Variants in SLC24A2 observed in about 807,000 individuals in gnomAD.
SLC24A2 encodes the protein solute carrier family 24 member 2.
SLC24A2 carries 36 observed loss-of-function variants against 62.0 expected under a neutral mutation model. That is an observed-to-expected ratio of 0.58 (90% CI 0.44 to 0.77). SLC24A2 has a LOEUF of 0.77. Ranked by LOEUF, SLC24A2 falls within the 30% of genes least tolerant of loss-of-function variation. The probability of loss-of-function intolerance (pLI) is 0.00; values close to 1 mark genes in which losing one functional copy is unlikely to be tolerated. For synonymous variants in SLC24A2, 358 were observed against 294.0 expected (o/e 1.22, Z -2.23); for missense variants, 846 against 817.9 (o/e 1.03, Z -0.42).
the SLC24A2 span, among the ~76,000 whole-genome samples, chr9:20,194,388 C>CTTTGGTA: frequency 1.3e-5 from 2 of 152,128 alleles, no homozygotes; most frequent in African/African-American, 4.8e-5. Context: ...ACTCTTCATC[C>CTTTGGTA]CTTCTCCAAG....
At chr9:20,041,834 A>T in the SLC24A2 span, among the ~76,000 whole-genome samples, 1 of 152,246 alleles carries the variant, frequency 6.6e-6, no homozygotes, top group African/African-American at 2.4e-5. Flanking sequence ...TCTTGGCAGG[A>T]TGCCCACCCA....
intron 2 of SLC24A2, among the ~76,000 whole-genome samples, chr9:19,639,329 A>G (rs1818435398): frequency 6.6e-6 from 1 of 152,204 alleles, no homozygotes. Context: ...CTCTATCAGT[A>G]GGTAAAGTTT....
the SLC24A2 span, among the ~76,000 whole-genome samples, chr9:20,277,738 A>G: frequency 6.6e-6 from 1 of 152,236 alleles, no homozygotes; most frequent in Non-Finnish European, 1.5e-5. Flanking sequence ...CATTACTGGT[A>G]TATACCCGAA....
At chr9:19,819,629 G>A in the SLC24A2 span, among the ~76,000 whole-genome samples, 299 of 151,956 alleles carry the variant, frequency 2.0e-3, no homozygotes, top group African/African-American at 7.0e-3. Context: ...ACTAATGATC[G>A]GGGAACTGCA....
the SLC24A2 span, among the ~76,000 whole-genome samples, chr9:20,082,509 G>A: frequency 6.6e-6 from 1 of 152,202 alleles, no homozygotes; most frequent in Admixed American, 6.5e-5. Flanking sequence ...CTTGCCAGGA[G>A]CATGGTGGCC....
chr9:19,990,938 T>TATATATATATATATATATATAG, the SLC24A2 span, among the ~76,000 whole-genome samples: 1 of 120,198 alleles, frequency 8.3e-6, no homozygotes, highest in African/African-American at 3.0e-5. Flanking sequence ...TATATATATG[T>TATATATATATATATATATATAG]ATGTATATGT....
At chr9:20,213,320 G>T in the SLC24A2 span, among the ~76,000 whole-genome samples, 8 of 151,782 alleles carry the variant, frequency 5.3e-5, no homozygotes, top group Admixed American at 4.6e-4. Context: ...CCTATAGGAT[G>T]AAGTCAAATT....
At chr9:19,725,737 A>G (rs977227970) in intron 2 of SLC24A2, among the ~76,000 whole-genome samples, 1 of 152,168 alleles carries the variant, frequency 6.6e-6, no homozygotes, top group Non-Finnish European at 1.5e-5. Flanking sequence ...TTTGGTGAGA[A>G]TAGTTTACAT....
intron 2 of SLC24A2, among the ~76,000 whole-genome samples, chr9:19,761,631 C>G (rs545093534): frequency 4.5e-4 from 69 of 152,126 alleles, no homozygotes; most frequent in Admixed American, 2.0e-3. Context: ...GTCCCTCCCC[C>G]CTTTCCCCCA....
chr9:19,971,484 C>G, the SLC24A2 span, among the ~76,000 whole-genome samples: 1 of 152,162 alleles, frequency 6.6e-6, no homozygotes, highest in Non-Finnish European at 1.5e-5. Context: ...GCCTGTATGG[C>G]CAAGCCACTT....
At chr9:19,827,179 T>A in the SLC24A2 span, among the ~76,000 whole-genome samples, 1 of 152,128 alleles carries the variant, frequency 6.6e-6, no homozygotes, top group African/African-American at 2.4e-5. Context: ...GTCATGTGGG[T>A]CATGTGAGGA....
the SLC24A2 span, among the ~76,000 whole-genome samples, chr9:19,909,822 G>A: frequency 6.6e-6 from 1 of 152,026 alleles, no homozygotes; most frequent in East Asian, 1.9e-4. Flanking sequence ...ATGCCAGAGT[G>A]GTGTATATTG....
chr9:19,568,947 C>T (rs913769075), intron 7 of SLC24A2, among the ~76,000 whole-genome samples: 2 of 152,164 alleles, frequency 1.3e-5, no homozygotes, highest in African/African-American at 2.4e-5. Flanking sequence ...TTCCCTTCTC[C>T]CCCTTTCTTT....
chr9:19,696,381 A>G (rs2118498352), intron 2 of SLC24A2, among the ~76,000 whole-genome samples: 1 of 152,310 alleles, frequency 6.6e-6, no homozygotes, highest in Non-Finnish European at 1.5e-5. Flanking sequence ...TCAACATGGG[A>G]AAAACAGGGA....
At chr9:19,698,028 T>A (rs1820243656) in intron 2 of SLC24A2, among the ~76,000 whole-genome samples, 1 of 152,208 alleles carries the variant, frequency 6.6e-6, no homozygotes, top group African/African-American at 2.4e-5. Context: ...TTTATGAAAT[T>A]AAATTTCCCT....
chr9:19,547,436 C>T (rs1049950429), intron 8 of SLC24A2, among the ~76,000 whole-genome samples: 7 of 152,138 alleles, frequency 4.6e-5, no homozygotes, highest in Admixed American at 3.9e-4. Flanking sequence ...TTGTCATGAC[C>T]CACGTAACGA....
the SLC24A2 span, among the ~76,000 whole-genome samples, chr9:19,979,682 T>A: frequency 6.6e-6 from 1 of 152,190 alleles, no homozygotes; most frequent in Non-Finnish European, 1.5e-5. Flanking sequence ...GGGCAGCTGC[T>A]GTCCGACATT....
the SLC24A2 span, among the ~76,000 whole-genome samples, chr9:20,175,345 T>C: frequency 6.6e-6 from 1 of 151,876 alleles, no homozygotes; most frequent in African/African-American, 2.4e-5. Flanking sequence ...AACTCATTCA[T>C]GTAATCAAAG....
At chr9:20,125,512 C>T in the SLC24A2 span, among the ~76,000 whole-genome samples, 1 of 152,132 alleles carries the variant, frequency 6.6e-6, no homozygotes, top group African/African-American at 2.4e-5. Context: ...GACTATAAGA[C>T]ACCTATACAA....
Sources: allele counts gnomAD v4.1 joint callset (sites outside exome capture counted in the v4.1 genomes callset), GRCh38; gene constraint gnomAD v4.1.1; transcripts MANE v1.5; gene names NCBI Gene and HGNC (gene_info 2026-07-23, HGNC 2026-07-21).